The following BBS4 variants were observed in gnomAD, a reference collection of about 807,000 sequenced individuals.
BBS4 encodes the protein BBSome complex member BBS4.
In BBS4, 58 loss-of-function variants were observed where a neutral mutation model predicts 71.4. The ratio of observed to expected loss-of-function variants is 0.81; its 90% CI spans 0.66 to 1.01. The LOEUF (loss-of-function observed/expected upper bound fraction) is 1.01. Among genes scored for constraint, BBS4 ranks in the 50% least tolerant of loss-of-function variants. The pLI is 0.00. For missense variants in BBS4, 660 were observed against 607.9 expected (o/e 1.09, Z -0.90); for synonymous variants, 228 against 216.8 (o/e 1.05, Z -0.46).
chr15:72,737,322 C>T (rs574144172), intron 15 of BBS4, among the ~76,000 whole-genome samples, 156 bp from the exon 16 acceptor site: 2 of 152,186 alleles, frequency 1.3e-5, no homozygotes, highest in Non-Finnish European at 2.9e-5. Flanking sequence ...TTGACTGTTG[C>T]TTTATTTCTC....
chr15:72,689,784 A>T (rs192011908), intron 1 of BBS4, among the ~76,000 whole-genome samples: 31 of 96,448 alleles, frequency 3.2e-4, no homozygotes, highest in African/African-American at 9.5e-4. Flanking sequence ...AAATCTTTTT[A>T]TTTATTTATT....
intron 2 of BBS4, among the ~76,000 whole-genome samples, chr15:72,695,917 A>G (rs1426468235): frequency 6.6e-6 from 1 of 152,216 alleles, no homozygotes; most frequent in Non-Finnish European, 1.5e-5. Flanking sequence ...GTGTTGGTGC[A>G]TGTCCCATGT....
intron 1 of BBS4, among the ~76,000 whole-genome samples, chr15:72,689,039 AAAG>A (rs2064933595): frequency 6.6e-6 from 1 of 152,304 alleles, no homozygotes; most frequent in Admixed American, 6.5e-5. Context: ...AAAAAAAAAA[AAAG>A]AGAATGTTAC....
chr15:72,736,830 A>T lies in BBS4; in HGVS notation c.1317A>T (p.Pro439=). The T allele has an allele frequency of 6.2e-7, 1 of 1,614,216 alleles. No individual in the cohort carries two copies. Among genetic ancestry groups the T allele is most frequent in the Non-Finnish European group, 8.5e-7 (1 of 1,180,034 alleles). The change falls in exon 15 of 16, where the codon CCA becomes CCT. Residue 439 remains proline, a synonymous_variant. Transcript: ENST00000268057. Reference sequence around the variant, plus strand: ...GGGAGGCACTGGTCTGGACCAAACCAGTTAAAGATCCCAAATCAAAGCACC... The same window carrying T: ...GGGAGGCACTGGTCTGGACCAAACCTGTTAAAGATCCCAAATCAAAGCACC... ...QVGEALVWTK[P]VKDPKSKHQT...
rs149485028 is a variant in BBS4, at chr15:72,687,366, G to A, written c.24+1115G>A. ...CGCCTGTAATCCCAGCACTTTGGGA[G>A]GCCGAGACGGGTGGATCACTTGAGG... is the stretch of plus-strand genomic sequence containing the variant. On this transcript the variant is annotated intron_variant, in intron 1 of 15. Coordinates refer to ENST00000268057, the MANE Select transcript of BBS4 (RefSeq NM_033028.5). Among the ~76,000 whole-genome samples the A allele has an allele frequency of 7.6e-3, 1,161 of 152,204 alleles. 11 individuals are homozygous for A. The highest frequency in any genetic ancestry group is 0.013 in the Non-Finnish European group (894 of 68,004).
At chr15:72,698,858 T>G (rs2065123149) in intron 2 of BBS4, among the ~76,000 whole-genome samples, 1 of 152,206 alleles carries the variant, frequency 6.6e-6, no homozygotes, top group South Asian at 2.1e-4. Flanking sequence ...ATTAATCTTT[T>G]CCTTTTGCTA....
rs149510479 is a variant in BBS4 at position 72,720,929 on chromosome 15, C to A, written c.406-1865C>A. Among the ~76,000 whole-genome samples the A allele has an allele frequency of 1.0e-3, 157 of 152,274 alleles. 1 individual carries two copies. The highest frequency in any genetic ancestry group is 1.8e-3 in the Non-Finnish European group (122 of 68,024). ...TTGCTGCCTTCTCAACTATCTATGT[C>A]AAAGATTTTAAAAGGTCAGAGGTTA... On this transcript the variant is annotated intron_variant, in intron 6 of 15. Transcript: ENST00000268057.
intron 2 of BBS4, among the ~76,000 whole-genome samples, chr15:72,702,317 G>T (rs1193762940): frequency 6.6e-6 from 1 of 152,082 alleles, no homozygotes; most frequent in Non-Finnish European, 1.5e-5. Flanking sequence ...GTTGAATGTG[G>T]ACAATTTACT....
intron 5 of BBS4, 79 bp from the exon 6 acceptor site, chr15:72,716,699 A>T: frequency 9.5e-7 from 1 of 1,048,914 alleles, no homozygotes; most frequent in Non-Finnish European, 1.4e-6. Flanking sequence ...TGGATGAAAT[A>T]TGATTAAAAT....
intron 3 of BBS4, among the ~76,000 whole-genome samples, chr15:72,711,848 G>A (rs767324535): frequency 1.3e-5 from 2 of 151,452 alleles, no homozygotes; most frequent in African/African-American, 2.4e-5. Context: ...TCTTGTCCAC[G>A]TCTGCTTTTT....
Position 72,716,830 on chromosome 15 carries a change from A to G in BBS4, c.385A>G (p.Lys129Glu), listed in dbSNP as rs375170079. 33 of 1,610,314 alleles carry G rather than the reference A, an allele frequency of 2.0e-5. No homozygotes were observed. The highest frequency in any genetic ancestry group is 2.7e-5 in the African/African-American group (2 of 74,882). Residue 129 changes from lysine to glutamate, a missense_variant, in exon 6 of 16, where the codon AAA (lysine) becomes GAA (glutamate). Coordinates refer to ENST00000268057, the MANE Select transcript of BBS4 (RefSeq NM_033028.5). ...CATTGAAGTATATAATGAAGCAGCTAAACTCAACCAGAAAGATTGGGTAAG... is the reference window on the plus strand; with the variant it reads ...CATTGAAGTATATAATGAAGCAGCTGAACTCAACCAGAAAGATTGGGTAAG... ...AAIEVYNEAA[K>E]LNQKDWEISH...
At chr15:72,734,691 T>G (rs948672835) in intron 12 of BBS4, among the ~76,000 whole-genome samples, 2 of 151,696 alleles carry the variant, frequency 1.3e-5, no homozygotes, top group East Asian at 3.9e-4. Flanking sequence ...GTGGGGGGAG[T>G]GTTTTACTGC....
intron 6 of BBS4, among the ~76,000 whole-genome samples, chr15:72,718,023 A>G (rs772921584): frequency 3.2e-4 from 48 of 151,930 alleles, no homozygotes; most frequent in Non-Finnish European, 4.9e-4. Context: ...TAATTTTTGT[A>G]TTTTTGGTAG....
At chr15:72,690,494 GTC>G (rs1351237388) in intron 1 of BBS4, among the ~76,000 whole-genome samples, 4 of 152,126 alleles carry the variant, frequency 2.6e-5, no homozygotes, top group Admixed American at 2.6e-4. Flanking sequence ...TGCTTTTTGA[GTC>G]TTTAACATTC....
intron 1 of BBS4, 148 bp from the exon 2 acceptor site, chr15:72,695,029 A>G: frequency 1.3e-5 from 8 of 596,168 alleles, no homozygotes; most frequent in Non-Finnish European, 2.1e-5. Context: ...TTTTTAAACC[A>G]TATTTAAAGT....
chr15:72,712,157 G>A (rs1443799416), intron 3 of BBS4, 87 bp from the exon 4 acceptor site: 18 of 1,234,552 alleles, frequency 1.5e-5, no homozygotes, highest in South Asian at 7.5e-5. Flanking sequence ...ATGAGCCACC[G>A]CACCTGGCCT....
intron 8 of BBS4, among the ~76,000 whole-genome samples, chr15:72,725,864 C>T (rs1338548367): frequency 1.1e-3 from 4 of 3,722 alleles, no homozygotes; most frequent in African/African-American, 4.2e-3. Flanking sequence ...TCCCCATCCC[C>T]CTTTCCCCAT....
chr15:72,717,007 C>T (rs1041926947), intron 6 of BBS4, 157 bp downstream of exon 6: 2 of 653,190 alleles, frequency 3.1e-6, no homozygotes, highest in Non-Finnish European at 2.7e-6. Flanking sequence ...GATCAAAAAC[C>T]ATGTTTCCTC....
At chr15:72,694,254 G>A (rs1177242445) in intron 1 of BBS4, among the ~76,000 whole-genome samples, 2 of 149,746 alleles carry the variant, frequency 1.3e-5, no homozygotes, top group East Asian at 2.0e-4. Flanking sequence ...GCGATGGTAC[G>A]ATCTTGGCTC....
Sources: allele counts gnomAD v4.1 joint callset (sites outside exome capture counted in the v4.1 genomes callset), GRCh38; gene constraint gnomAD v4.1.1; transcripts MANE v1.5; gene names NCBI Gene and HGNC (gene_info 2026-07-23, HGNC 2026-07-21).